The following KDM1B variants were observed in gnomAD, a reference collection of about 807,000 sequenced individuals.
The protein encoded by KDM1B is lysine demethylase 1B.
A neutral mutation model predicts 107.4 loss-of-function variants in KDM1B; 63 were observed. The observed-to-expected ratio is 0.59, with a 90% CI of 0.48 to 0.72. KDM1B has a LOEUF of 0.72. Ranked by LOEUF, KDM1B falls within the 30% of genes least tolerant of loss-of-function variation. The probability of loss-of-function intolerance (pLI) is 0.00; values close to 1 mark genes in which losing one functional copy is unlikely to be tolerated. For synonymous variants in KDM1B, 363 were observed against 363.9 expected, an observed-to-expected ratio of 1.00 and a Z score of 0.03; for missense variants, 749 against 1,020.8, an observed-to-expected ratio of 0.73 and a Z score of 3.63.
At chr6:18,157,897 C>T (rs1784729620) in intron 2 of KDM1B, among the ~76,000 whole-genome samples, 1 of 148,300 alleles carries the variant, frequency 6.7e-6, no homozygotes, top group Non-Finnish European at 1.5e-5. Flanking sequence ...ACTGCAAGCT[C>T]CGCCTGCGGG....
rs551502013 is a variant in KDM1B at position 18,205,773 on chromosome 6, C to A, written c.1659+109C>A. 1.5e-4 allele frequency: 164 copies of A among 1,080,384 alleles called. 3 individuals are homozygous for A. In the South Asian group the frequency reaches 2.9e-3, roughly 19 times the overall value. The allele number at this position is 1,080,384 out of a possible 1,614,324, so 66.9% of individuals were successfully genotyped here. ...CTTTGGGAGGCCGAGGTGGGCAGAT[C>A]ATGAGGTCAGGAGATCGAGACCATC... On this transcript the variant is annotated intron_variant, in intron 15 of 21. Coordinates refer to ENST00000650836, the MANE Select transcript of KDM1B (RefSeq NM_001364614.2). This position sits in a 1 kb window ranked among gnomAD's most constrained non-coding sequence, Gnocchi z 5.7.
At chr6:18,194,516 G>C (rs938134890) in intron 10 of KDM1B, among the ~76,000 whole-genome samples, 1 of 152,144 alleles carries the variant, frequency 6.6e-6, no homozygotes, top group Non-Finnish European at 1.5e-5. Flanking sequence ...ATATTTTCCT[G>C]TTGTCTCCTT....
chr6:18,167,140 A>G (rs1785350103), intron 6 of KDM1B, among the ~76,000 whole-genome samples: 1 of 152,008 alleles, frequency 6.6e-6, no homozygotes, highest in Admixed American at 6.6e-5. Flanking sequence ...GCAGATCACA[A>G]GGTCTAGAAA....
chr6:18,205,195 G>T lies in KDM1B; in HGVS notation c.1532-342G>T, dbSNP rs1347023948. Among the ~76,000 whole-genome samples the T allele has an allele frequency of 2.0e-5, 3 of 152,038 alleles. No individual in the cohort carries two copies. Among genetic ancestry groups the T allele is most frequent in the African/African-American group, 4.8e-5 (2 of 41,398 alleles). ...TGTGTGCATGTACATCTATGTGTGG[G>T]GACAGTTTTTCTGTATCTTGAGCAA... is the stretch of plus-strand genomic sequence containing the variant. On this transcript the variant is annotated intron_variant, in intron 14 of 21. Transcript: ENST00000650836. The surrounding 1 kb of genome is among the most constrained non-coding windows in gnomAD (Gnocchi z 5.7).
chr6:18,204,903 G>A lies in KDM1B; in HGVS notation c.1532-634G>A, dbSNP rs549917145. ...TTCAAAGCATTACAGCAGAGCCTGC[G>A]AGTGGGCAGATCGTAGCTGCTGCCT... On this transcript the variant is annotated intron_variant, in intron 14 of 21. Coordinates refer to ENST00000650836, the MANE Select transcript of KDM1B (RefSeq NM_001364614.2). The surrounding 1 kb of genome is among the most constrained non-coding windows in gnomAD (Gnocchi z 4.9). 2.1e-4 allele frequency among the ~76,000 whole-genome samples: 32 copies of A among 152,356 alleles called. No homozygotes were observed. The highest frequency in any genetic ancestry group is 6.7e-4 in the African/African-American group (28 of 41,582).
intron 7 of KDM1B, among the ~76,000 whole-genome samples, chr6:18,183,329 G>T (rs901720712): frequency 7.2e-6 from 1 of 138,290 alleles, no homozygotes; most frequent in Non-Finnish European, 1.5e-5. Flanking sequence ...GTGCAATGGC[G>T]CAGTCTCGGC....
chr6:18,214,980 C>T lies in KDM1B; in HGVS notation c.2110-27C>T, dbSNP rs747197543. The T allele has an allele frequency of 3.1e-6, 5 of 1,611,882 alleles. No individual in the cohort carries two copies. Among genetic ancestry groups the T allele is most frequent in the East Asian group, 4.5e-5 (2 of 44,826 alleles). On this transcript the variant is annotated intron_variant, in intron 19 of 21. Coordinates refer to ENST00000650836, the MANE Select transcript of KDM1B (RefSeq NM_001364614.2). The surrounding 1 kb of genome is among the most constrained non-coding windows in gnomAD (Gnocchi z 4.4). ...CTGTGGGAGCTGAGCACTCACAGAC[C>T]TCCTGCTTTTCCTTTCATGTCTCCA...
rs1788327862 is a variant in KDM1B at position 18,205,844 on chromosome 6, T to C, written c.1659+180T>C. Reference sequence around the variant, plus strand: ...CTGTCTCTACTAAAATACAAAAAATTAGCCAGGCCTGGTGGCGCATACCTG... The same window carrying C: ...CTGTCTCTACTAAAATACAAAAAATCAGCCAGGCCTGGTGGCGCATACCTG... On this transcript the variant is annotated intron_variant, in intron 15 of 21. Transcript: ENST00000650836. This position sits in a 1 kb window ranked among gnomAD's most constrained non-coding sequence, Gnocchi z 5.7. Among the ~76,000 whole-genome samples, 1 of 151,976 alleles carries C rather than the reference T, an allele frequency of 6.6e-6. No individual in the cohort carries two copies. Among genetic ancestry groups the C allele is most frequent in the South Asian group, 2.1e-4 (1 of 4,808 alleles).
At chr6:18,207,635 C>A in intron 16 of KDM1B, 106 bp downstream of exon 16, 1 of 1,379,098 alleles carries the variant, frequency 7.3e-7, no homozygotes, top group Non-Finnish European at 1.0e-6. Flanking sequence ...TGGTGTTTAG[C>A]CAGGGTCTAG....
At position 18,200,523 on chromosome 6, in the gene KDM1B, G is replaced by A. The variant is rs1325642741; in HGVS notation, c.1306G>A (p.Ala436Thr). The change falls in exon 13 of 22, where the codon GCT becomes ACT. Residue 436 changes from alanine to threonine, a missense_variant. By Grantham distance (58) the Ala-to-Thr change is moderately conservative. Coordinates refer to ENST00000650836, the MANE Select transcript of KDM1B (RefSeq NM_001364614.2). This position sits in a 1 kb window ranked among gnomAD's most constrained non-coding sequence, Gnocchi z 4.3. ...TAAAGGCGTCACAGTGGGAAGAGGA[G>A]CTCAGATTGTCAATGGGTGTATTAA... ...SFKGVTVGRG[A>T]QIVNGCINNP... is the part of the protein sequence containing the mutation. 1.9e-6 allele frequency: 3 copies of A among 1,614,072 alleles called. No homozygotes were observed. The highest frequency in any genetic ancestry group is 2.2e-5 in the East Asian group (1 of 44,866).
At chr6:18,192,945 C>A (rs1215359358) in intron 10 of KDM1B, among the ~76,000 whole-genome samples, 1 of 151,976 alleles carries the variant, frequency 6.6e-6, no homozygotes, top group Non-Finnish European at 1.5e-5. Flanking sequence ...GTAATCCCAG[C>A]ACTTTAGGAG....
At position 18,172,244 on chromosome 6, in the gene KDM1B, T is replaced by A. The variant is rs1308901383; in HGVS notation, c.534+765T>A. Among the ~76,000 whole-genome samples, 1 of 152,224 alleles carries A rather than the reference T, an allele frequency of 6.6e-6. No homozygotes were observed. The highest frequency in any genetic ancestry group is 2.4e-5 in the African/African-American group (1 of 41,474). ...TTACTGTTTAAAAACCTATTATTAT[T>A]GCTTTAGTGCGTTAAGGGTGTTAGT... is the stretch of plus-strand genomic sequence containing the variant. On this transcript the variant is annotated intron_variant, in intron 7 of 21. Coordinates refer to ENST00000650836, the MANE Select transcript of KDM1B (RefSeq NM_001364614.2). This position sits in a 1 kb window ranked among gnomAD's most constrained non-coding sequence, Gnocchi z 5.2.
At chr6:18,161,043 C>T (rs1363169274) in intron 3 of KDM1B, among the ~76,000 whole-genome samples, 3 of 152,002 alleles carry the variant, frequency 2.0e-5, no homozygotes, top group African/African-American at 7.2e-5. Context: ...GCATGAGCCA[C>T]CACACCCAGC....
At chr6:18,190,675 C>T (rs1009938433) in intron 9 of KDM1B, among the ~76,000 whole-genome samples, 1 of 151,982 alleles carries the variant, frequency 6.6e-6, no homozygotes, top group African/African-American at 2.4e-5. Context: ...CTGAGGTTGG[C>T]AGATCACTTG....
rs1205229170 is a variant in KDM1B at position 18,171,420 on chromosome 6, C to T, written c.475C>T (p.Leu159Phe). 2.5e-5 allele frequency: 41 copies of T among 1,613,508 alleles called. No homozygotes were observed. The highest frequency in any genetic ancestry group is 3.1e-5 in the Non-Finnish European group (37 of 1,179,552). Residue 159 changes from leucine (L) to phenylalanine (F), a missense_variant, in exon 7 of 22, where the codon CTT becomes TTT. Physicochemically the swap from Leu to Phe is conservative, Grantham distance 22 (BLOSUM62 0). Transcript: ENST00000650836. ...GAGGCAGCTTACCAAGGAAATCCAGCTTACTCCACAGATAGCCAAGACTTA... is the reference window on the plus strand; with the variant it reads ...GAGGCAGCTTACCAAGGAAATCCAGTTTACTCCACAGATAGCCAAGACTTA... ...KWRQLTKEIQ[L>F]TPQIAKTYRC...
At chr6:18,188,969 A>G (rs371039019) in intron 9 of KDM1B, among the ~76,000 whole-genome samples, 19 of 151,898 alleles carry the variant, frequency 1.3e-4, no homozygotes, top group African/African-American at 4.4e-4. Flanking sequence ...TTTTTAGTAG[A>G]GATGGGGTTT....
chr6:18,219,051 C>G (rs1055704670), intron 21 of KDM1B, among the ~76,000 whole-genome samples: 2 of 151,964 alleles, frequency 1.3e-5, no homozygotes, highest in Admixed American at 1.3e-4. Flanking sequence ...CACAGGCGCC[C>G]GCCACCACGC....
Position 18,162,552 on chromosome 6 carries a change from C to A in KDM1B, c.216-283C>A, listed in dbSNP as rs1418666590. 1.3e-5 allele frequency among the ~76,000 whole-genome samples: 2 copies of A among 152,140 alleles called. No homozygotes were observed. The highest frequency in any genetic ancestry group is 3.9e-4 in the East Asian group (2 of 5,186). On this transcript the variant is annotated intron_variant, in intron 4 of 21. Transcript: ENST00000650836. This position sits in a 1 kb window ranked among gnomAD's most constrained non-coding sequence, Gnocchi z 4.1. ...CAGCCTGCAGCAAGCACAGTGGCAT[C>A]TGTCCTTTTGTGTCATAAAACCCTA...
intron 12 of KDM1B, among the ~76,000 whole-genome samples, chr6:18,199,060 TG>T (rs749065600): frequency 7.2e-6 from 1 of 138,116 alleles, no homozygotes; most frequent in Non-Finnish European, 1.5e-5. Context: ...TAGCCGGGCA[TG>T]GTGGTATGCA....
Sources: gnomAD v4.1 joint callset for allele counts (sites outside exome capture counted in the v4.1 genomes callset) on GRCh38, gnomAD v4.1.1 for gene constraint, Gnocchi (gnomAD v3.1) non-coding constraint, MANE v1.5 for transcripts, NCBI Gene and HGNC (gene_info 2026-07-23, HGNC 2026-07-21) for gene names.